Variants in TRAPPC9 observed in about 807,000 individuals in gnomAD.
TRAPPC9 encodes IKK2 binding protein.
TRAPPC9 carries 83 observed loss-of-function variants against 124.0 expected under a neutral mutation model. The ratio of observed to expected loss-of-function variants is 0.67; its 90% CI spans 0.56 to 0.80. TRAPPC9 has a LOEUF of 0.80. Ranked by LOEUF, TRAPPC9 falls within the 30% of genes least tolerant of loss-of-function variation. The pLI is 0.00. For synonymous variants in TRAPPC9, 638 were observed against 617.5 expected (o/e 1.03, Z -0.49); for missense variants, 1,302 against 1,508.3 (o/e 0.86, Z 2.27).
chr8:140,342,107 T>C (rs949228172), intron 9 of TRAPPC9, among the ~76,000 whole-genome samples: 2 of 152,056 alleles, frequency 1.3e-5, no homozygotes, highest in Non-Finnish European at 2.9e-5. Flanking sequence ...CCAGGCTGAG[T>C]AATGGTGTCT....
intron 18 of TRAPPC9, among the ~76,000 whole-genome samples, chr8:140,005,011 T>C (rs1838655083): frequency 6.6e-6 from 1 of 152,180 alleles, no homozygotes; most frequent in African/African-American, 2.4e-5. Context: ...TGGAGAGCTT[T>C]TTCACATTTT....
chr8:139,927,848 C>G (rs1180653941), intron 19 of TRAPPC9, among the ~76,000 whole-genome samples: 1 of 152,186 alleles, frequency 6.6e-6, no homozygotes, highest in Non-Finnish European at 1.5e-5. Flanking sequence ...TGAGTGATGT[C>G]AGACAAATGC....
chr8:140,346,381 G>C (rs2067349623), intron 9 of TRAPPC9, among the ~76,000 whole-genome samples: 1 of 152,180 alleles, frequency 6.6e-6, no homozygotes, highest in Non-Finnish European at 1.5e-5. Flanking sequence ...GATGTAAAGG[G>C]AGCGGCTGCT....
At chr8:140,200,265 A>C (rs2062756834) in intron 17 of TRAPPC9, among the ~76,000 whole-genome samples, 1 of 152,204 alleles carries the variant, frequency 6.6e-6, no homozygotes, top group African/African-American at 2.4e-5. Flanking sequence ...CTATCCACTG[A>C]ACGGGCCTAG....
chr8:139,835,553 A>G (rs946738812), intron 21 of TRAPPC9, among the ~76,000 whole-genome samples: 1 of 152,200 alleles, frequency 6.6e-6, no homozygotes, highest in Non-Finnish European at 1.5e-5. Context: ...ATCCTCACTA[A>G]TAAACCTGGG....
chr8:139,853,300 G>C (rs1827607801), intron 21 of TRAPPC9, among the ~76,000 whole-genome samples: 2 of 152,186 alleles, frequency 1.3e-5, no homozygotes, highest in South Asian at 4.1e-4. Flanking sequence ...GTCCTCATGA[G>C]AAAAGGAGGA....
At chr8:139,910,591 AAAG>A (rs1291647970) in intron 19 of TRAPPC9, among the ~76,000 whole-genome samples, 1 of 152,222 alleles carries the variant, frequency 6.6e-6, no homozygotes, top group East Asian at 1.9e-4. Flanking sequence ...GCAAGGCAGG[AAAG>A]AACCAGTGTG....
chr8:139,870,091 G>A (rs939001027), intron 21 of TRAPPC9, among the ~76,000 whole-genome samples: 8 of 152,150 alleles, frequency 5.3e-5, no homozygotes, highest in African/African-American at 1.9e-4. Flanking sequence ...TACAAGGGTG[G>A]TGCTCACTCC....
chr8:140,060,571 G>T (rs1842544286), intron 17 of TRAPPC9, among the ~76,000 whole-genome samples: 1 of 135,364 alleles, frequency 7.4e-6, no homozygotes, highest in South Asian at 2.3e-4. Flanking sequence ...TCCCAACCCA[G>T]CCCTACCCAT....
intron 9 of TRAPPC9, among the ~76,000 whole-genome samples, chr8:140,325,745 C>CTTTGTT (rs1431320485): frequency 1.2e-4 from 18 of 152,298 alleles, no homozygotes; most frequent in African/African-American, 4.3e-4. Context: ...GAATACTTCC[C>CTTTGTT]AACTTGTGTT....
At chr8:140,024,184 C>T (rs1373512191) in intron 17 of TRAPPC9, 105 bp from the exon 18 acceptor site, 6 of 1,385,142 alleles carry the variant, frequency 4.3e-6, no homozygotes. Flanking sequence ...TGAAGATAAT[C>T]CCAACTAGTC....
intron 21 of TRAPPC9, among the ~76,000 whole-genome samples, chr8:139,817,873 G>T (rs1004006883): frequency 6.6e-6 from 1 of 152,172 alleles, no homozygotes; most frequent in Non-Finnish European, 1.5e-5. Context: ...GCACTCTTGG[G>T]TCAGGGAGAG....
intron 17 of TRAPPC9, among the ~76,000 whole-genome samples, chr8:140,047,996 G>A (rs1841729315): frequency 6.6e-6 from 1 of 152,180 alleles, no homozygotes; most frequent in South Asian, 2.1e-4. Flanking sequence ...GGACGCATGT[G>A]CAGCACTGGC....
At chr8:140,105,180 A>G (rs1270290803) in intron 17 of TRAPPC9, among the ~76,000 whole-genome samples, 1 of 152,192 alleles carries the variant, frequency 6.6e-6, no homozygotes, top group Non-Finnish European at 1.5e-5. Flanking sequence ...GCAGCATATC[A>G]TTGTCATTAG....
chr8:140,075,539 A>G (rs1380844372), intron 17 of TRAPPC9, among the ~76,000 whole-genome samples: 1 of 152,202 alleles, frequency 6.6e-6, no homozygotes, highest in Admixed American at 6.5e-5. Context: ...TTTCAGCACC[A>G]TGGAACTGCC....
chr8:140,064,145 C>G lies in TRAPPC9; in HGVS notation c.2557-40066G>C, dbSNP rs146946521. Among the ~76,000 whole-genome samples the G allele has an allele frequency of 3.0e-4, 46 of 152,274 alleles. No individual in the cohort carries two copies. The East Asian group carries it at 8.9e-3, about 29-fold the overall frequency. On this transcript the variant is annotated intron_variant, in intron 17 of 22. Coordinates refer to ENST00000438773, the MANE Select transcript of TRAPPC9 (RefSeq NM_001160372.4). ...ATTAATTTTCCCAACTCGACTGTTA[C>G]ACTTGGCAGGAATAACAAATTTCTA...
chr8:140,157,975 A>G (rs1485654642), intron 17 of TRAPPC9, among the ~76,000 whole-genome samples: 8 of 152,174 alleles, frequency 5.3e-5, no homozygotes, highest in Admixed American at 4.6e-4. Flanking sequence ...TAGTCTTTCT[A>G]GACCTTTATT....
intron 18 of TRAPPC9, among the ~76,000 whole-genome samples, chr8:139,993,499 C>T (rs528315175): frequency 6.6e-6 from 1 of 152,290 alleles, no homozygotes; most frequent in African/African-American, 2.4e-5. Flanking sequence ...CTCCTTCAGA[C>T]AGAAAAAGAG....
At chr8:140,211,224 C>T (rs1028994182) in intron 17 of TRAPPC9, among the ~76,000 whole-genome samples, 2 of 151,998 alleles carry the variant, frequency 1.3e-5, no homozygotes, top group Admixed American at 6.5e-5. Context: ...CAGACCACAT[C>T]TCTACAACAA....
Sources: allele counts gnomAD v4.1 joint callset (sites outside exome capture counted in the v4.1 genomes callset), GRCh38; gene constraint gnomAD v4.1.1; transcripts MANE v1.5; gene names NCBI Gene and HGNC (gene_info 2026-07-23, HGNC 2026-07-21).